The following CAMK4 variants were observed in gnomAD, a reference collection of about 807,000 sequenced individuals.
The protein encoded by CAMK4 is calcium/calmodulin-dependent protein kinase type IV.
Under a neutral mutation model 44.9 loss-of-function variants are expected in CAMK4, and 22 were observed. The ratio of observed to expected loss-of-function variants is 0.49; its 90% CI spans 0.35 to 0.70. CAMK4 has a LOEUF of 0.70. Ranked by LOEUF, CAMK4 falls within the 30% of genes least tolerant of loss-of-function variation. The pLI, the probability that CAMK4 is intolerant of heterozygous loss-of-function variation, is 0.01. For missense variants in CAMK4, 498 were observed against 586.8 expected (o/e 0.85, Z 1.56); for synonymous variants, 218 against 215.4 (o/e 1.01, Z -0.11).
intron 1 of CAMK4, chr5:111,266,192 TCACACACACACACACACACACACACA>T (rs58948390): frequency 6.9e-5 from 10 of 144,178 alleles, no homozygotes; most frequent in African/African-American, 2.6e-4. Context: ...ATAAATATAT[TCACACACACACACACACACACACACA>T]CACACACACA....
rs73786863 is a variant in CAMK4 at position 111,268,112 on chromosome 5, C to T, written c.161+43468C>T. Among the ~76,000 whole-genome samples, 1,199 of 152,248 alleles carry T rather than the reference C, an allele frequency of 7.9e-3. 16 individuals carry two copies. The highest frequency in any genetic ancestry group is 0.028 in the African/African-American group (1,147 of 41,536). On this transcript the variant is annotated intron_variant, in intron 1 of 10. Transcript: ENST00000282356. ...GCCTGGTGGAAGCTTGAGGTAGGCC[C>T]TCTACTACTCATTATTTTTACTACT...
intron 1 of CAMK4, among the ~76,000 whole-genome samples, chr5:111,261,296 A>G (rs561940900): frequency 4.6e-5 from 7 of 152,322 alleles, no homozygotes; most frequent in African/African-American, 1.7e-4. Context: ...CCATCTTTGT[A>G]GCTCTAACAC....
chr5:111,477,957 C>G (rs971430233), intron 8 of CAMK4, among the ~76,000 whole-genome samples: 2 of 152,078 alleles, frequency 1.3e-5, no homozygotes, highest in African/African-American at 4.8e-5. Context: ...TCTTCCCTTT[C>G]ACACTAAATT....
intron 5 of CAMK4, among the ~76,000 whole-genome samples, chr5:111,401,907 A>G (rs1752242503): frequency 6.6e-6 from 1 of 152,192 alleles, no homozygotes; most frequent in Non-Finnish European, 1.5e-5. Context: ...CCTCAGAGGA[A>G]TTTCCCATGA....
At chr5:111,422,267 A>G (rs1753060207) in intron 5 of CAMK4, among the ~76,000 whole-genome samples, 1 of 152,234 alleles carries the variant, frequency 6.6e-6, no homozygotes, top group East Asian at 1.9e-4. Context: ...GAGGTCTAAG[A>G]ATGCCTTCTT....
chr5:111,460,265 C>T (rs1021825245), intron 7 of CAMK4, among the ~76,000 whole-genome samples: 12 of 122,706 alleles, frequency 9.8e-5, no homozygotes, highest in South Asian at 2.5e-4. Flanking sequence ...CTTTTCTTTT[C>T]TTTTTCTTTT....
chr5:111,231,077 T>C (rs1271711470), intron 1 of CAMK4, among the ~76,000 whole-genome samples: 2 of 152,166 alleles, frequency 1.3e-5, no homozygotes, highest in Non-Finnish European at 2.9e-5. Flanking sequence ...TATCTGAAGA[T>C]TTCATGACTC....
rs549968055 is a variant in CAMK4, at chr5:111,479,664, C to T, written c.828+1157C>T. ...TAGGGCTGATCCAGTCGTCCAGACT[C>T]CCTTTCCTGTGCTCTTTTTTCTTCA... is the stretch of plus-strand genomic sequence containing the variant. On this transcript the variant is annotated intron_variant, in intron 9 of 10. Transcript: ENST00000282356. Among the ~76,000 whole-genome samples, 237 of 152,278 alleles carry T rather than the reference C, an allele frequency of 1.6e-3. 1 individual carries two copies. The highest frequency in any genetic ancestry group is 3.4e-3 in the Middle Eastern group (1 of 294).
intron 2 of CAMK4, among the ~76,000 whole-genome samples, chr5:111,356,006 G>A (rs2112785010): frequency 1.0e-5 from 1 of 99,912 alleles, no homozygotes; most frequent in African/African-American, 3.6e-5. Flanking sequence ...ATAGGCCTTT[G>A]GGTATATACC....
intron 7 of CAMK4, among the ~76,000 whole-genome samples, chr5:111,467,457 A>G (rs1332704491): frequency 6.6e-6 from 1 of 152,038 alleles, no homozygotes; most frequent in East Asian, 1.9e-4. Context: ...TACATCTGAC[A>G]AAAGACTAAT....
At chr5:111,272,311 C>T (rs1018855748) in intron 1 of CAMK4, among the ~76,000 whole-genome samples, 34 of 152,028 alleles carry the variant, frequency 2.2e-4, no homozygotes, top group African/African-American at 8.2e-4. Context: ...TTTCTTTTTT[C>T]CATTGTCTCT....
At chr5:111,394,498 C>T (rs1407053843) in intron 4 of CAMK4, among the ~76,000 whole-genome samples, 2 of 152,122 alleles carry the variant, frequency 1.3e-5, no homozygotes, top group African/African-American at 4.8e-5. Flanking sequence ...ATGGATAGTT[C>T]AAGCCAAGGA....
At chr5:111,230,635 A>G (rs1048184156) in intron 1 of CAMK4, among the ~76,000 whole-genome samples, 7 of 151,988 alleles carry the variant, frequency 4.6e-5, no homozygotes, top group Non-Finnish European at 1.0e-4. Flanking sequence ...GAGAGAGAGA[A>G]AAAGAACACT....
chr5:111,448,892 A>G (rs1030643449), intron 6 of CAMK4, among the ~76,000 whole-genome samples: 2 of 152,218 alleles, frequency 1.3e-5, no homozygotes, highest in Non-Finnish European at 2.9e-5. Flanking sequence ...CAAAGATTAA[A>G]TATAGATTTA....
chr5:111,448,869 T>A (rs1293287474), intron 6 of CAMK4, among the ~76,000 whole-genome samples: 3 of 152,122 alleles, frequency 2.0e-5, no homozygotes, highest in Non-Finnish European at 2.9e-5. Flanking sequence ...AAGCGGGGAA[T>A]TGTACAGAAG....
chr5:111,299,050 G>A lies in CAMK4; in HGVS notation c.162-44974G>A, dbSNP rs186458957. 2.6e-5 allele frequency among the ~76,000 whole-genome samples: 4 copies of A among 152,328 alleles called. No individual in the cohort carries two copies. In the East Asian group the frequency reaches 5.8e-4, roughly 22 times the overall value. ...AGCTGTTGCTCTTTGTATTGTTGTC[G>A]TGGGTTATAAATTCAGGGCTCTGCC... On this transcript the variant is annotated intron_variant, in intron 1 of 10. Transcript: ENST00000282356.
intron 5 of CAMK4, among the ~76,000 whole-genome samples, chr5:111,406,194 T>TTCTCTCTC (rs10524853): frequency 0.024 from 3,226 of 136,766 alleles, 70 homozygotes; most frequent in African/African-American, 0.054. Context: ...CTAATTTATT[T>TTCTCTCTC]TCTCTCTCTC....
intron 1 of CAMK4, among the ~76,000 whole-genome samples, chr5:111,329,952 C>T (rs1749087782): frequency 6.6e-6 from 1 of 151,506 alleles, no homozygotes; most frequent in Non-Finnish European, 1.5e-5. Flanking sequence ...ATATCTGCTC[C>T]CACTACTTCA....
intron 1 of CAMK4, among the ~76,000 whole-genome samples, chr5:111,274,342 T>C (rs2112589258): frequency 6.6e-6 from 1 of 152,314 alleles, no homozygotes; most frequent in African/African-American, 2.4e-5. Flanking sequence ...CTTCATTGTC[T>C]GTCTTCCTCC....
Sources: allele counts gnomAD v4.1 joint callset (sites outside exome capture counted in the v4.1 genomes callset), GRCh38; gene constraint gnomAD v4.1.1; transcripts MANE v1.5; gene names NCBI Gene and HGNC (gene_info 2026-07-23, HGNC 2026-07-21).